The following NAALADL2 variants were observed in gnomAD, a reference collection of about 807,000 sequenced individuals.
NAALADL2 encodes N-acetylated alpha-linked acidic dipeptidase like 2.
In NAALADL2, 76 loss-of-function variants were observed where a neutral mutation model predicts 87.2. That is an observed-to-expected ratio of 0.87 (90% CI 0.72 to 1.05). The LOEUF is 1.05. Ranked by LOEUF, NAALADL2 falls within the 50% of genes least tolerant of loss-of-function variation. The probability of loss-of-function intolerance (pLI) is 0.00; values close to 1 mark genes in which losing one functional copy is unlikely to be tolerated. For missense variants in NAALADL2, 1,089 were observed against 945.8 expected (o/e 1.15, Z -1.99); for synonymous variants, 354 against 331.0 (o/e 1.07, Z -0.75).
intron 2 of NAALADL2, among the ~76,000 whole-genome samples, chr3:175,227,391 G>A (rs1332005122): frequency 6.6e-6 from 1 of 151,966 alleles, no homozygotes; most frequent in African/African-American, 2.4e-5. Flanking sequence ...TCTTAGGCAT[G>A]ACAGTTCATT....
intron 5 of NAALADL2, among the ~76,000 whole-genome samples, chr3:175,394,863 T>C (rs993481692): frequency 6.6e-6 from 1 of 152,186 alleles, no homozygotes; most frequent in African/African-American, 2.4e-5. Context: ...CTAGCACAAT[T>C]TTTTTCCCTT....
At chr3:174,447,055 C>A (rs1024194783) in intron 1 of NAALADL2, among the ~76,000 whole-genome samples, 2 of 152,066 alleles carry the variant, frequency 1.3e-5, no homozygotes, top group African/African-American at 4.8e-5. Context: ...CCTACTCTTG[C>A]CTTTATATGT....
intron 2 of NAALADL2, among the ~76,000 whole-genome samples, chr3:174,600,160 T>C (rs928952983): frequency 1.3e-5 from 2 of 152,152 alleles, no homozygotes; most frequent in African/African-American, 4.8e-5. Flanking sequence ...CCCCACACTT[T>C]AGTGAAACAA....
At chr3:175,724,086 G>T (rs181860376) in intron 11 of NAALADL2, among the ~76,000 whole-genome samples, 1 of 152,008 alleles carries the variant, frequency 6.6e-6, no homozygotes, top group Admixed American at 6.6e-5. Flanking sequence ...ATTTAACTGA[G>T]GACTGTTGAA....
chr3:175,187,869 A>G (rs1373556545), intron 2 of NAALADL2, among the ~76,000 whole-genome samples: 1 of 152,222 alleles, frequency 6.6e-6, no homozygotes, highest in African/African-American at 2.4e-5. Context: ...CAAGGAGCAA[A>G]TAAACACATT....
At chr3:175,607,208 A>T (rs1017746090) in intron 10 of NAALADL2, among the ~76,000 whole-genome samples, 1 of 145,450 alleles carries the variant, frequency 6.9e-6, no homozygotes. Flanking sequence ...TGTAAATATA[A>T]TATGCACACA....
intron 4 of NAALADL2, among the ~76,000 whole-genome samples, chr3:175,285,237 T>C (rs1037546066): frequency 1.3e-5 from 2 of 152,178 alleles, no homozygotes; most frequent in Non-Finnish European, 2.9e-5. Context: ...AGGAGAATTT[T>C]CCCCAGAAAT....
chr3:175,161,821 G>C (rs958276633), intron 2 of NAALADL2, among the ~76,000 whole-genome samples: 3 of 152,116 alleles, frequency 2.0e-5, no homozygotes, highest in Non-Finnish European at 4.4e-5. Flanking sequence ...TTGGCGGTCT[G>C]TGTCTGTCAA....
intron 1 of NAALADL2, among the ~76,000 whole-genome samples, chr3:174,965,004 A>G (rs1742668625): frequency 6.6e-6 from 1 of 152,082 alleles, no homozygotes; most frequent in Non-Finnish European, 1.5e-5. Flanking sequence ...TAGTGGCTTA[A>G]AAAGAGCAAA....
intron 2 of NAALADL2, among the ~76,000 whole-genome samples, chr3:175,129,745 A>G (rs1380780437): frequency 6.6e-6 from 1 of 152,178 alleles, no homozygotes; most frequent in South Asian, 2.1e-4. Flanking sequence ...GGTCGTTCCC[A>G]TATCTTGGCT....
chr3:175,608,111 C>A (rs1724041015), intron 10 of NAALADL2, among the ~76,000 whole-genome samples: 2 of 151,030 alleles, frequency 1.3e-5, no homozygotes, highest in African/African-American at 2.4e-5. Flanking sequence ...AATATCATGT[C>A]CCACAGATGT....
chr3:175,144,505 A>G (rs1447603407), intron 2 of NAALADL2, among the ~76,000 whole-genome samples: 3 of 151,998 alleles, frequency 2.0e-5, no homozygotes, highest in African/African-American at 7.2e-5. Context: ...AACACTTTAT[A>G]TTGAGAAAAT....
Position 175,605,645 on chromosome 3 carries a change from T to TTTTTGTTTTG in NAALADL2, c.1801-21642_1801-21641insGTTTTGTTTT, listed in dbSNP as rs1553931391. ...CACCTAGATGTATATTGCTTGTTTTTTTTTTTTTTTTAACTGTATTTAGAT... is the reference window on the plus strand; with the variant it reads ...CACCTAGATGTATATTGCTTGTTTTTTTTTGTTTTGTTTTTTTTTTTAACTGTATTTAGAT... On this transcript the variant is annotated intron_variant, in intron 10 of 13. Transcript: ENST00000454872. Among the ~76,000 whole-genome samples, 62 of 33,176 alleles carry TTTTTGTTTTG rather than the reference T, an allele frequency of 1.9e-3. 2 individuals carry two copies. The highest frequency in any genetic ancestry group is 3.2e-3 in the African/African-American group (62 of 19,288). The allele number at this position is 33,176 out of a possible 152,430, so 21.8% of individuals were successfully genotyped here. A position where few individuals can be genotyped will look rare whatever the true frequency, so the allele number is the denominator to read the frequency against.
chr3:175,565,442 G>A (rs920211559), intron 9 of NAALADL2, among the ~76,000 whole-genome samples: 5 of 152,228 alleles, frequency 3.3e-5, no homozygotes, highest in African/African-American at 9.6e-5. Context: ...GAATGGTCCT[G>A]AATTATAATC....
chr3:175,565,218 A>G (rs1037704388), intron 9 of NAALADL2, among the ~76,000 whole-genome samples: 3 of 152,176 alleles, frequency 2.0e-5, no homozygotes, highest in African/African-American at 4.8e-5. Context: ...TCTTATGTCT[A>G]TAGGGGATAA....
chr3:174,690,544 C>G (rs1035692744), intron 2 of NAALADL2, among the ~76,000 whole-genome samples: 1 of 152,112 alleles, frequency 6.6e-6, no homozygotes, highest in African/African-American at 2.4e-5. Flanking sequence ...TAACATTAAC[C>G]TAAGCAAAAT....
chr3:175,557,593 TTATCTC>T (rs1228001286), intron 9 of NAALADL2, among the ~76,000 whole-genome samples: 1 of 152,134 alleles, frequency 6.6e-6, no homozygotes, highest in East Asian at 1.9e-4. Flanking sequence ...CTTCTACTCT[TTATCTC>T]TGAGAGTTCA....
chr3:174,787,617 A>G (rs1377305531), intron 3 of NAALADL2, among the ~76,000 whole-genome samples: 2 of 119,916 alleles, frequency 1.7e-5, no homozygotes, highest in African/African-American at 5.8e-5. Flanking sequence ...ATATATATAT[A>G]TATAGTAGTG....
chr3:174,446,260 A>C (rs1307500714), intron 1 of NAALADL2, among the ~76,000 whole-genome samples: 4 of 152,182 alleles, frequency 2.6e-5, no homozygotes, highest in African/African-American at 9.6e-5. Flanking sequence ...ATGGTCAGTC[A>C]TGAAAAACTT....
Sources: gnomAD v4.1 joint callset for allele counts (sites outside exome capture counted in the v4.1 genomes callset) on GRCh38, gnomAD v4.1.1 for gene constraint, MANE v1.5 for transcripts, NCBI Gene and HGNC (gene_info 2026-07-23, HGNC 2026-07-21) for gene names.